The following YJU2 variants were observed in gnomAD, a reference collection of about 807,000 sequenced individuals.
YJU2 encodes YJU2 splicing factor homolog, also known as splicing factor YJU2.
Under a neutral mutation model 39.6 loss-of-function variants are expected in YJU2, and 28 were observed. The observed-to-expected ratio is 0.71, with a 90% confidence interval of 0.52 to 0.97. YJU2 has a LOEUF of 0.97. Among genes scored for constraint, YJU2 ranks in the 50% least tolerant of loss-of-function variants. The pLI is 0.00. For synonymous variants in YJU2, 184 were observed against 182.4 expected, an observed-to-expected ratio of 1.01 and a Z score of -0.07; for missense variants, 328 against 430.4, an observed-to-expected ratio of 0.76 and a Z score of 2.11.
chr19:4,251,204 T>TC (rs755749583), intron 3 of YJU2, 33 bp downstream of exon 3: 1 of 1,608,242 alleles, frequency 6.2e-7, no homozygotes, highest in South Asian at 1.1e-5. Context: ...CCGGTCCCTC[T>TC]CCCCCAGCAC....
chr19:4,267,735 G>C lies in YJU2; in HGVS notation c.820G>C (p.Asp274His), dbSNP rs1440420621. 3 of 1,613,056 alleles carry C rather than the reference G, an allele frequency of 1.9e-6. No homozygotes were observed. The highest frequency in any genetic ancestry group is 1.7e-6 in the Non-Finnish European group (2 of 1,179,848). The change falls in exon 7 of 8, where the codon GAC becomes CAC. Residue 274 changes from aspartate to histidine, a missense_variant. Asp to His is a moderately conservative substitution (Grantham distance 81). Coordinates refer to ENST00000262962, the MANE Select transcript of YJU2 (RefSeq NM_018074.6). Reference protein sequence around the residue: ...VVVKKAKADPDCSNGQPQAAP... With the variant: ...VVVKKAKADPHCSNGQPQAAP... ...GGTGAAGAAGGCAAAGGCCGACCCG[G>C]ACTGCAGCAACGGGCAGCCTCAGGC... is the stretch of plus-strand genomic sequence containing the variant.
intron 3 of YJU2, among the ~76,000 whole-genome samples, chr19:4,252,220 G>C (rs1970982616): frequency 6.6e-6 from 1 of 151,852 alleles, no homozygotes; most frequent in Non-Finnish European, 1.5e-5. Flanking sequence ...AGCACTTTGG[G>C]AGGCCAAGGC....
intron 6 of YJU2, among the ~76,000 whole-genome samples, chr19:4,265,835 G>A (rs988750554): frequency 3.3e-5 from 5 of 151,952 alleles, no homozygotes; most frequent in Non-Finnish European, 5.9e-5. Flanking sequence ...TTGACCTCAA[G>A]TGGTCCACCC....
chr19:4,258,373 G>A lies in YJU2; in HGVS notation c.537G>A (p.Ser179=), dbSNP rs963633619. The part of the protein sequence containing the change: ...FEAMLRQHRL[S]EEERRRQQQE... The stretch of plus-strand genomic sequence containing the variant: ...CTATGCTGAGGCAGCACCGCCTGTC[G>A]GAGGAGGAGCGGCGGAGGCAGCAGC... The change falls in exon 5 of 8, where the codon TCG becomes TCA. Residue 179 remains serine (S), a synonymous_variant. Coordinates refer to ENST00000262962, the MANE Select transcript of YJU2 (RefSeq NM_018074.6). The A allele has an allele frequency of 1.6e-5, 25 of 1,597,928 alleles. No homozygotes were observed. The highest frequency in any genetic ancestry group is 1.8e-5 in the Non-Finnish European group (21 of 1,174,222).
intron 5 of YJU2, 35 bp downstream of exon 5, chr19:4,258,458 G>T (rs1021474866): frequency 1.9e-6 from 3 of 1,548,538 alleles, no homozygotes; most frequent in South Asian, 1.2e-5. Flanking sequence ...GCCCCACCTC[G>T]CAGCCTCTGC....
At chr19:4,260,321 C>T (rs1189673228) in intron 5 of YJU2, among the ~76,000 whole-genome samples, 2 of 151,690 alleles carry the variant, frequency 1.3e-5, no homozygotes, top group African/African-American at 4.8e-5. Flanking sequence ...CCAGCTGCTC[C>T]AGAGGCTGAG....
chr19:4,261,807 GAC>G (rs1971072783), intron 5 of YJU2, among the ~76,000 whole-genome samples, 185 bp from the exon 6 acceptor site: 1 of 151,896 alleles, frequency 6.6e-6, no homozygotes, highest in African/African-American at 2.4e-5. Context: ...CTCCCTGAGT[GAC>G]AGAGTGAGAC....
rs571188256 is a variant in YJU2 at position 4,251,291 on chromosome 19, C to G, written c.270+120C>G. 5 of 1,018,748 alleles carry G rather than the reference C, an allele frequency of 4.9e-6. No homozygotes were observed. In the Admixed American group the frequency reaches 1.3e-4, roughly 26 times the overall value. The allele number at this position is 1,018,748 out of a possible 1,614,324, so 63.1% of individuals were successfully genotyped here. ...CAGGGAATCTCATTTCAGTTTATCCCCAAGAAACAGACAACAGTTTGGGGG... is the reference window on the plus strand; with the variant it reads ...CAGGGAATCTCATTTCAGTTTATCCGCAAGAAACAGACAACAGTTTGGGGG... On this transcript the variant is annotated intron_variant, in intron 3 of 7. Coordinates refer to ENST00000262962, the MANE Select transcript of YJU2 (RefSeq NM_018074.6).
chr19:4,251,944 G>A (rs182830801), intron 3 of YJU2, among the ~76,000 whole-genome samples: 17 of 151,914 alleles, frequency 1.1e-4, no homozygotes, highest in Admixed American at 5.9e-4. Flanking sequence ...CCAACATTGC[G>A]CCATTGCACT....
At chr19:4,251,448 G>A (rs1053211569) in intron 3 of YJU2, among the ~76,000 whole-genome samples, 4 of 152,132 alleles carry the variant, frequency 2.6e-5, no homozygotes, top group African/African-American at 9.7e-5. Flanking sequence ...CAGCACTTTG[G>A]GCGGCCAAGG....
At chr19:4,263,695 A>G (rs1215907804) in intron 6 of YJU2, among the ~76,000 whole-genome samples, 1 of 151,634 alleles carries the variant, frequency 6.6e-6, no homozygotes, top group Non-Finnish European at 1.5e-5. Context: ...CTGTAATCCC[A>G]GTTACTCGGG....
Position 4,253,965 on chromosome 19 carries a change from GC to G in YJU2, c.271-387del, listed in dbSNP as rs1315115223. On this transcript the variant is annotated intron_variant, in intron 3 of 7. Transcript: ENST00000262962. ...TGGGATTACAGGCATGCACCACCTT[GC>G]CCTGCCTAATTTTTTGTATTTTTAG... Among the ~76,000 whole-genome samples, 5 of 151,954 alleles carry G rather than the reference GC, an allele frequency of 3.3e-5. No homozygotes were observed. In the East Asian group the frequency reaches 9.7e-4, roughly 29 times the overall value.
At chr19:4,248,438 C>T (rs937709267) in intron 1 of YJU2, among the ~76,000 whole-genome samples, 2 of 152,170 alleles carry the variant, frequency 1.3e-5, no homozygotes, top group African/African-American at 2.4e-5. Flanking sequence ...AAACTGAGCC[C>T]TGCAGGTTTC....
Position 4,247,635 on chromosome 19 carries a change from GT to G in YJU2, c.24+466del, listed in dbSNP as rs1568359633. Among the ~76,000 whole-genome samples the G allele has an allele frequency of 3.5e-3, 177 of 49,948 alleles. 13 individuals are homozygous for G. Among genetic ancestry groups the G allele is most frequent in the East Asian group, 0.011 (15 of 1,378 alleles). 32.8% of individuals were successfully genotyped at this position (49,948 alleles called of 152,430 possible). A position where few individuals can be genotyped will look rare whatever the true frequency, so the allele number is the denominator to read the frequency against. On this transcript the variant is annotated intron_variant, in intron 1 of 7. Transcript: ENST00000262962. ...TGTGTGTGTGTGTGTGTGTGTGTGTGTGTGTGTGTGTGTGTGTGTGTGTGTG... is the reference window on the plus strand; with the variant it reads ...TGTGTGTGTGTGTGTGTGTGTGTGTGGTGTGTGTGTGTGTGTGTGTGTGTG...
chr19:4,268,288 G>T (rs775223215), intron 7 of YJU2, among the ~76,000 whole-genome samples: 2 of 152,226 alleles, frequency 1.3e-5, no homozygotes, highest in Non-Finnish European at 2.9e-5. Context: ...TTCCTAAGGC[G>T]ATTAAGTCCA....
intron 2 of YJU2, among the ~76,000 whole-genome samples, chr19:4,250,602 C>G (rs1013663864): frequency 6.6e-6 from 1 of 151,804 alleles, no homozygotes; most frequent in Non-Finnish European, 1.5e-5. Context: ...TGGGACTGAG[C>G]TGGGGGTGTT....
rs780539050 is a variant in YJU2 at position 4,247,658 on chromosome 19, T to C, written c.24+488T>C. Among the ~76,000 whole-genome samples the C allele has an allele frequency of 6.5e-3, 439 of 67,782 alleles. 45 individuals are homozygous for C. The highest frequency in any genetic ancestry group is 0.026 in the Middle Eastern group (3 of 114). 44.5% of individuals were successfully genotyped at this position (67,782 alleles called of 152,430 possible). A position where few individuals can be genotyped will look rare whatever the true frequency, so the allele number is the denominator to read the frequency against. On this transcript the variant is annotated intron_variant, in intron 1 of 7. Transcript: ENST00000262962. ...GTGTGTGTGTGTGTGTGTGTGTGTG[T>C]GTGTGTGTGTGTGTGTGTGTGTGTG... is the stretch of plus-strand genomic sequence containing the variant.
chr19:4,261,383 C>G (rs754758560), intron 5 of YJU2, among the ~76,000 whole-genome samples: 1 of 151,984 alleles, frequency 6.6e-6, no homozygotes, highest in African/African-American at 2.4e-5. Context: ...CCTAGCTGCT[C>G]GGTAGGCTGA....
At chr19:4,258,767 C>T (rs1246768982) in intron 5 of YJU2, among the ~76,000 whole-genome samples, 1 of 152,230 alleles carries the variant, frequency 6.6e-6, no homozygotes, top group East Asian at 1.9e-4. Context: ...TCCCCTAGCA[C>T]CAGCCTGGAG....
Sources: gnomAD v4.1 joint callset for allele counts (sites outside exome capture counted in the v4.1 genomes callset) on GRCh38, gnomAD v4.1.1 for gene constraint, MANE v1.5 for transcripts, NCBI Gene and HGNC (gene_info 2026-07-23, HGNC 2026-07-21) for gene names.